Variants in CENPP observed in about 807,000 individuals in gnomAD.
CENPP encodes the protein centromere protein P.
Under a neutral mutation model 35.6 loss-of-function variants are expected in CENPP, and 24 were observed. The ratio of observed to expected loss-of-function variants is 0.67; its 90% CI spans 0.49 to 0.95. CENPP has a LOEUF of 0.95. CENPP is among the 40% of genes least tolerant of loss of function. CENPP has a pLI of 0.00. For missense variants in CENPP, 332 were observed against 345.3 expected, an observed-to-expected ratio of 0.96 and a Z score of 0.31; for synonymous variants, 120 against 125.5, an observed-to-expected ratio of 0.96 and a Z score of 0.29.
intron 5 of CENPP, among the ~76,000 whole-genome samples, chr9:92,571,262 A>G (rs1427577711): frequency 2.6e-5 from 4 of 152,150 alleles, no homozygotes; most frequent in African/African-American, 9.7e-5. Flanking sequence ...TGTGTCCCAG[A>G]GATTCTGGTA....
At chr9:92,472,584 G>A (rs1043805953) in intron 5 of CENPP, among the ~76,000 whole-genome samples, 4 of 151,872 alleles carry the variant, frequency 2.6e-5, no homozygotes, top group African/African-American at 9.7e-5. Context: ...CTTGAACCCA[G>A]GAGACGGAAG....
chr9:92,380,078 G>T (rs1564286667), intron 5 of CENPP, among the ~76,000 whole-genome samples: 1 of 152,188 alleles, frequency 6.6e-6, no homozygotes. Context: ...AAGAAGTGTG[G>T]TTATATTCAA....
rs1044684986 is a variant in CENPP at position 92,619,716 on chromosome 9, G to T, written c.*6567G>T. 1 of 691,610 alleles carries T rather than the reference G, an allele frequency of 1.4e-6. No homozygotes were observed. The highest frequency in any genetic ancestry group is 2.5e-6 in the Non-Finnish European group (1 of 397,438). The allele number at this position is 691,610 out of a possible 1,614,324, so 42.8% of individuals were successfully genotyped here. Reference sequence around the variant, plus strand: ...AGCGAGGGCCACGGTGAGCACGGGCGTCAGGAGGTCGCCCTGTGAGAGCAC... The same window carrying T: ...AGCGAGGGCCACGGTGAGCACGGGCTTCAGGAGGTCGCCCTGTGAGAGCAC... On this transcript the variant is annotated 3_prime_UTR_variant, in exon 8 of 8. Transcript: ENST00000375587.
chr9:92,398,026 G>A (rs909763259), intron 5 of CENPP, among the ~76,000 whole-genome samples: 9 of 152,022 alleles, frequency 5.9e-5, no homozygotes, highest in Non-Finnish European at 8.8e-5. Context: ...CTGACAGTGC[G>A]GAACCTGGCT....
At chr9:92,596,447 A>C (rs1850784363) in intron 5 of CENPP, among the ~76,000 whole-genome samples, 1 of 34,702 alleles carries the variant, frequency 2.9e-5, no homozygotes, top group Non-Finnish European at 1.1e-4. Context: ...CCCTGTGTCA[A>C]AAAAAAAAAA....
chr9:92,600,639 A>C lies in CENPP; in HGVS notation c.565-10675A>C, dbSNP rs553713346. ...AGCGCAAGTCATGCCCTGGTCGGCC[A>C]TCCCTTCTGGTGGGGGTTGTGTTTT... On this transcript the variant is annotated intron_variant, in intron 5 of 7. Coordinates refer to ENST00000375587, the MANE Select transcript of CENPP (RefSeq NM_001012267.3). 2.2e-5 allele frequency: 33 copies of C among 1,474,732 alleles called. No individual in the cohort carries two copies. In the South Asian group the frequency reaches 4.3e-4, roughly 19 times the overall value. The allele number at this position is 1,474,732 out of a possible 1,614,324, so 91.4% of individuals were successfully genotyped here.
chr9:92,468,783 A>G (rs1349925477), intron 5 of CENPP, among the ~76,000 whole-genome samples: 1 of 152,090 alleles, frequency 6.6e-6, no homozygotes, highest in East Asian at 1.9e-4. Flanking sequence ...ATACTACTTA[A>G]CAGCTGGGGG....
chr9:92,487,500 A>G (rs533723995), intron 5 of CENPP, among the ~76,000 whole-genome samples: 1 of 151,354 alleles, frequency 6.6e-6, no homozygotes. Context: ...AAAGGATCAG[A>G]GTTTTTCCTT....
At chr9:92,557,026 T>A (rs546008013) in intron 5 of CENPP, among the ~76,000 whole-genome samples, 3 of 152,326 alleles carry the variant, frequency 2.0e-5, no homozygotes, top group South Asian at 4.1e-4. Flanking sequence ...GGTGGCTTAG[T>A]AGTGGCGAAT....
At chr9:92,415,126 T>G in intron 5 of CENPP, 1 of 1,531,360 alleles carries the variant, frequency 6.5e-7, no homozygotes, top group Non-Finnish European at 8.8e-7. Flanking sequence ...TGTGAAGTCG[T>G]AAGTGTATAC....
At chr9:92,350,987 T>C (rs898119836) in intron 4 of CENPP, among the ~76,000 whole-genome samples, 4 of 152,184 alleles carry the variant, frequency 2.6e-5, no homozygotes, top group Admixed American at 6.5e-5. Context: ...ATCTGAAAAA[T>C]GAGTAGGTGT....
At chr9:92,448,662 G>T (rs1480446867) in intron 5 of CENPP, among the ~76,000 whole-genome samples, 2 of 152,074 alleles carry the variant, frequency 1.3e-5, no homozygotes, top group Non-Finnish European at 2.9e-5. Flanking sequence ...CCACAGGAAT[G>T]GGATTGGAAG....
At chr9:92,430,642 C>T (rs1164378720) in intron 5 of CENPP, among the ~76,000 whole-genome samples, 1 of 152,122 alleles carries the variant, frequency 6.6e-6, no homozygotes, top group Non-Finnish European at 1.5e-5. Flanking sequence ...AGGTGTGAGC[C>T]ACCACGCCTG....
At chr9:92,566,524 A>G (rs916156740) in intron 5 of CENPP, among the ~76,000 whole-genome samples, 9 of 152,218 alleles carry the variant, frequency 5.9e-5, no homozygotes, top group Non-Finnish European at 1.3e-4. Flanking sequence ...ACAAAGAGAT[A>G]TTAAATCTAA....
At chr9:92,461,610 G>A (rs934553836) in intron 5 of CENPP, among the ~76,000 whole-genome samples, 1 of 152,144 alleles carries the variant, frequency 6.6e-6, no homozygotes, top group Non-Finnish European at 1.5e-5. Flanking sequence ...GTAGTCAGAT[G>A]CAGAGAGACA....
chr9:92,457,198 A>AT lies in CENPP; in HGVS notation c.564+77340dup, dbSNP rs1844906616. 3 of 1,493,748 alleles carry AT rather than the reference A, an allele frequency of 2.0e-6. No homozygotes were observed. The South Asian group carries it at 4.1e-5, about 20-fold the overall frequency. The allele number at this position is 1,493,748 out of a possible 1,614,324, so 92.5% of individuals were successfully genotyped here. The stretch of plus-strand genomic sequence containing the variant: ...TGAGAATAGATATTTGCTTGTATAT[A>AT]TAATACTACCATTATTAATAGAGTT... On this transcript the variant is annotated intron_variant, in intron 5 of 7. Transcript: ENST00000375587.
intron 5 of CENPP, among the ~76,000 whole-genome samples, chr9:92,412,633 C>CT (rs1460187733): frequency 1.3e-5 from 2 of 152,188 alleles, no homozygotes; most frequent in Non-Finnish European, 2.9e-5. Flanking sequence ...CGACTGACTT[C>CT]TTTCACTGAG....
chr9:92,442,415 AAG>A, intron 5 of CENPP, among the ~76,000 whole-genome samples: 1 of 131,676 alleles, frequency 7.6e-6, no homozygotes, highest in Non-Finnish European at 1.8e-5. Flanking sequence ...AAAAAAAAAA[AAG>A]AAAAAACAAA....
intron 1 of CENPP, among the ~76,000 whole-genome samples, chr9:92,330,029 GA>G (rs1291864218): frequency 6.6e-6 from 1 of 152,188 alleles, no homozygotes; most frequent in Non-Finnish European, 1.5e-5. Context: ...TTCTCAGTGT[GA>G]AGAATATAGA....
Sources: allele counts gnomAD v4.1 joint callset (sites outside exome capture counted in the v4.1 genomes callset), GRCh38; gene constraint gnomAD v4.1.1; transcripts MANE v1.5; gene names NCBI Gene and HGNC (gene_info 2026-07-23, HGNC 2026-07-21).